The following PLCB1 variants were observed in gnomAD, a reference collection of about 807,000 sequenced individuals.
The protein encoded by PLCB1 is phospholipase C beta 1, also known as 1-phosphatidylinositol 4,5-bisphosphate phosphodiesterase beta-1.
A neutral mutation model predicts 161.8 loss-of-function variants in PLCB1; 46 were observed. That is an observed-to-expected ratio of 0.28 (90% CI 0.22 to 0.36). The LOEUF (loss-of-function observed/expected upper bound fraction) is 0.36, where lower values mean the gene tolerates loss of function less well. PLCB1 is among the 10% of genes least tolerant of loss of function. The probability of loss-of-function intolerance (pLI) is 1.00; values close to 1 mark genes in which losing one functional copy is unlikely to be tolerated. For missense variants in PLCB1, 1,016 were observed against 1,472.5 expected, an observed-to-expected ratio of 0.69 and a Z score of 5.07; for synonymous variants, 517 against 503.7, an observed-to-expected ratio of 1.03 and a Z score of -0.35.
At position 8,883,594 on chromosome 20, in the gene PLCB1, T is replaced by G. The variant is rs1230979520; in HGVS notation, c.*1745T>G. The G allele has an allele frequency of 6.6e-6, 1 of 152,216 alleles. No individual in the cohort carries two copies. The highest frequency in any genetic ancestry group is 6.6e-5 in the Admixed American group (1 of 15,258). 9.4% of individuals were successfully genotyped at this position (152,216 alleles called of 1,614,324 possible). ...AATTGTTTCAAGAATTTAATATTTT[T>G]ATGAAAATTATTTTATTTAACTTTA... On this transcript the variant is annotated 3_prime_UTR_variant, in exon 32 of 32. Coordinates refer to ENST00000338037, the MANE Select transcript of PLCB1 (RefSeq NM_015192.4).
intron 2 of PLCB1, among the ~76,000 whole-genome samples, chr20:8,201,991 AC>A (rs1312566648): frequency 6.6e-6 from 1 of 152,204 alleles, no homozygotes; most frequent in Non-Finnish European, 1.5e-5. Context: ...AAAATGTCCA[AC>A]ATGGTTAATA....
intron 31 of PLCB1, among the ~76,000 whole-genome samples, chr20:8,857,417 T>C (rs1401376221): frequency 2.0e-5 from 3 of 152,258 alleles, no homozygotes; most frequent in East Asian, 3.8e-4. Flanking sequence ...TTTTGACTTA[T>C]TCTATTCCAT....
chr20:8,391,760 G>A (rs1217324887), intron 3 of PLCB1, among the ~76,000 whole-genome samples: 1 of 100,944 alleles, frequency 9.9e-6, no homozygotes, highest in African/African-American at 3.9e-5. Context: ...GGTAAATAAT[G>A]AAGTATATAT....
At chr20:8,533,192 CTCA>C (rs1984891799) in intron 3 of PLCB1, among the ~76,000 whole-genome samples, 1 of 152,092 alleles carries the variant, frequency 6.6e-6, no homozygotes, top group Admixed American at 6.5e-5. Context: ...AGGACATGAA[CTCA>C]TCATTTTTTA....
chr20:8,783,639 G>A (rs1426933216), intron 27 of PLCB1, among the ~76,000 whole-genome samples: 1 of 152,186 alleles, frequency 6.6e-6, no homozygotes, highest in Non-Finnish European at 1.5e-5. Context: ...TACTAGAAAA[G>A]TACAAAGGGT....
intron 2 of PLCB1, among the ~76,000 whole-genome samples, chr20:8,320,606 C>G (rs192185211): frequency 5.7e-4 from 86 of 152,204 alleles, no homozygotes; most frequent in African/African-American, 1.9e-3. Flanking sequence ...TCCTTTGAAC[C>G]AACTCTCAGG....
intron 3 of PLCB1, among the ~76,000 whole-genome samples, chr20:8,600,335 A>G (rs6022513): frequency 0.1 from 7,086 of 67,498 alleles, 701 homozygotes; most frequent in East Asian, 0.14. Flanking sequence ...ACCCTCAGCT[A>G]CAGGTCAGTT....
intron 31 of PLCB1, among the ~76,000 whole-genome samples, chr20:8,813,787 C>T (rs1984947550): frequency 6.6e-6 from 1 of 152,158 alleles, no homozygotes; most frequent in Admixed American, 6.5e-5. Flanking sequence ...ATTATGATCA[C>T]ACCACTGCAC....
intron 4 of PLCB1, among the ~76,000 whole-genome samples, chr20:8,631,290 T>C (rs1346640669): frequency 1.3e-5 from 2 of 152,206 alleles, no homozygotes; most frequent in South Asian, 2.1e-4. Context: ...TTAGAGAAGC[T>C]TGGGCACAGT....
intron 3 of PLCB1, among the ~76,000 whole-genome samples, chr20:8,428,035 C>T (rs1273765252): frequency 6.6e-6 from 1 of 152,084 alleles, no homozygotes. Context: ...TCCCCCACAA[C>T]CTTCTTCCCT....
chr20:8,667,721 T>TAAAAGG (rs1989847789), intron 9 of PLCB1, among the ~76,000 whole-genome samples: 1 of 152,146 alleles, frequency 6.6e-6, no homozygotes, highest in Non-Finnish European at 1.5e-5. Context: ...CAAATGCCAG[T>TAAAAGG]CCACAGGATA....
chr20:8,852,149 A>G lies in PLCB1; in HGVS notation c.3424-29473A>G, dbSNP rs79887690. On this transcript the variant is annotated intron_variant, in intron 31 of 31. Coordinates refer to ENST00000338037, the MANE Select transcript of PLCB1 (RefSeq NM_015192.4). Reference sequence around the variant, plus strand: ...CAGGTTTTATCTCTGCCTCCTAATTATTCTGTCATTTCAGCCACATCTGGG... The same window carrying G: ...CAGGTTTTATCTCTGCCTCCTAATTGTTCTGTCATTTCAGCCACATCTGGG... Among the ~76,000 whole-genome samples, 130 of 152,308 alleles carry G rather than the reference A, an allele frequency of 8.5e-4. 3 individuals are homozygous for G. In the East Asian group the frequency reaches 0.022, roughly 26 times the overall value.
At chr20:8,459,733 C>T (rs989006530) in intron 3 of PLCB1, among the ~76,000 whole-genome samples, 1 of 152,164 alleles carries the variant, frequency 6.6e-6, no homozygotes, top group Admixed American at 6.5e-5. Flanking sequence ...GCTACAGAGG[C>T]CATGACATTT....
At chr20:8,655,270 C>A (rs748502889) in intron 7 of PLCB1, among the ~76,000 whole-genome samples, 10 of 152,124 alleles carry the variant, frequency 6.6e-5, no homozygotes, top group Non-Finnish European at 1.5e-4. Context: ...ACAGCACATG[C>A]GTGCTCGCTA....
At chr20:8,443,256 AG>A (rs1384937677) in intron 3 of PLCB1, among the ~76,000 whole-genome samples, 1 of 152,172 alleles carries the variant, frequency 6.6e-6, no homozygotes, top group African/African-American at 2.4e-5. Context: ...CTGGGATTAC[AG>A]GCGTGAGCCA....
chr20:8,441,622 CTGTT>C (rs1449997965), intron 3 of PLCB1, among the ~76,000 whole-genome samples: 3 of 152,144 alleles, frequency 2.0e-5, no homozygotes, highest in African/African-American at 7.2e-5. Flanking sequence ...GAATGAAACA[CTGTT>C]TGCCTACCAA....
chr20:8,644,781 G>A (rs1327885560), intron 4 of PLCB1, among the ~76,000 whole-genome samples: 1 of 152,080 alleles, frequency 6.6e-6, no homozygotes, highest in Admixed American at 6.5e-5. Context: ...CCCCTACTGG[G>A]AAGTGAGGGG....
At chr20:8,642,325 T>A (rs531479463) in intron 4 of PLCB1, among the ~76,000 whole-genome samples, 1 of 152,334 alleles carries the variant, frequency 6.6e-6, no homozygotes, top group African/African-American at 2.4e-5. Context: ...TTTCTGATTT[T>A]AACAAAAGGC....
intron 8 of PLCB1, among the ~76,000 whole-genome samples, chr20:8,658,305 G>A (rs1340796105): frequency 2.0e-5 from 3 of 152,088 alleles, no homozygotes; most frequent in Admixed American, 6.6e-5. Flanking sequence ...TTACCCATTT[G>A]GTATTTTGCA....
Sources: allele counts gnomAD v4.1 joint callset (sites outside exome capture counted in the v4.1 genomes callset), GRCh38; gene constraint gnomAD v4.1.1; transcripts MANE v1.5; gene names NCBI Gene and HGNC (gene_info 2026-07-23, HGNC 2026-07-21).